PCDHA7: variants seen among roughly 807,000 people sequenced by gnomAD.
The protein encoded by PCDHA7 is protocadherin alpha 7.
In PCDHA7, 37 loss-of-function variants were observed where a neutral mutation model predicts 57.2. The observed-to-expected ratio is 0.65, with a 90% confidence interval of 0.50 to 0.85. The LOEUF is 0.85. Among genes scored for constraint, PCDHA7 ranks in the 40% least tolerant of loss-of-function variants. The pLI is 0.00. For missense variants in PCDHA7, 1,188 were observed against 1,241.8 expected (o/e 0.96, Z 0.65); for synonymous variants, 553 against 558.8 (o/e 0.99, Z 0.15).
rs1238256859 is a variant in PCDHA7, at chr5:141,010,204, C to T, written c.*267C>T. 6.4e-7 allele frequency: 1 copy of T among 1,551,970 alleles called. No homozygotes were observed. On this transcript the variant is annotated 3_prime_UTR_variant, in exon 4 of 4. Transcript: ENST00000525929. The stretch of plus-strand genomic sequence containing the variant: ...GACCCAAGTTTCCTTTCTCCTCCGC[C>T]GCAAAGGAGAGGCTTCCCAGCCCCG...
In PCDHA7 at chr5:140,987,075, G is replaced by A. The variant is rs564788093; in HGVS notation, c.2503+4512G>A. On this transcript the variant is annotated intron_variant, in intron 3 of 3. Coordinates refer to ENST00000525929, the MANE Select transcript of PCDHA7 (RefSeq NM_018910.3). ...CTAAAGTTACAAAAATGAGCTGGGC[G>A]TGGTGGCAGGTGCCTGTAATCCCAG... is the stretch of plus-strand genomic sequence containing the variant. Among the ~76,000 whole-genome samples the A allele has an allele frequency of 3.7e-4, 57 of 152,124 alleles. No individual in the cohort carries two copies. In the East Asian group the frequency reaches 9.9e-3, roughly 26 times the overall value.
intron 1 of PCDHA7, chr5:140,875,264 C>G: frequency 8.4e-7 from 1 of 1,189,324 alleles, no homozygotes; most frequent in Non-Finnish European, 1.1e-6. Flanking sequence ...TGATGTCGCT[C>G]TACACTCAGA....
At chr5:140,854,157 C>G in intron 1 of PCDHA7, 1 of 165,326 alleles carries the variant, frequency 6.0e-6, no homozygotes. Flanking sequence ...AAGATTCTGT[C>G]TCAAAAAAAA....
At chr5:140,943,509 A>G (rs1053319828) in intron 1 of PCDHA7, among the ~76,000 whole-genome samples, 1 of 152,132 alleles carries the variant, frequency 6.6e-6, no homozygotes, top group East Asian at 1.9e-4. Flanking sequence ...GGTTCATGGA[A>G]ATGTTGAGTT....
intron 1 of PCDHA7, chr5:140,861,415 G>T (rs1400394792): frequency 4.2e-6 from 2 of 475,856 alleles, no homozygotes; most frequent in Non-Finnish European, 8.6e-6. Context: ...CTGATACCGC[G>T]CCTGTTTCAG....
chr5:140,928,942 T>C lies in PCDHA7; in HGVS notation c.2356-50007T>C. The stretch of plus-strand genomic sequence containing the variant: ...GCAGCTTTCTGCCCAGAACTTGTAT[T>C]TAGTAATTGCCTTGGCTTGTATTTC... On this transcript the variant is annotated intron_variant, in intron 1 of 3. Transcript: ENST00000525929. 4 of 1,614,060 alleles carry C rather than the reference T, an allele frequency of 2.5e-6. No individual in the cohort carries two copies. The South Asian group carries it at 4.4e-5, about 18-fold the overall frequency.
At chr5:140,943,624 G>C (rs2093534515) in intron 1 of PCDHA7, among the ~76,000 whole-genome samples, 2 of 152,106 alleles carry the variant, frequency 1.3e-5, no homozygotes, top group African/African-American at 4.8e-5. Context: ...ATCTGCATAA[G>C]GAAGCTGGAT....
In PCDHA7 at chr5:140,857,206, C is replaced by T. The variant is rs1554149659; in HGVS notation, c.2355+20468C>T. On this transcript the variant is annotated intron_variant, in intron 1 of 3. Transcript: ENST00000525929. Reference sequence around the variant, plus strand: ...CAGGAGCCAACGGACAGGTCACCTGCTCTCTGACGCCTCACGTTCCGTTCA... The same window carrying T: ...CAGGAGCCAACGGACAGGTCACCTGTTCTCTGACGCCTCACGTTCCGTTCA... The T allele has an allele frequency of 2.5e-6, 4 of 1,598,614 alleles. No homozygotes were observed. The South Asian group carries it at 3.3e-5, about 13-fold the overall frequency.
intron 1 of PCDHA7, among the ~76,000 whole-genome samples, chr5:140,918,591 A>G (rs1554198702): frequency 6.6e-6 from 1 of 152,238 alleles, no homozygotes; most frequent in African/African-American, 2.4e-5. Context: ...TATATGTTCT[A>G]TAGATGTTGC....
At chr5:140,899,111 A>G (rs2067143820) in intron 1 of PCDHA7, among the ~76,000 whole-genome samples, 1 of 152,186 alleles carries the variant, frequency 6.6e-6, no homozygotes, top group Admixed American at 6.5e-5. Context: ...GGGGTTTTCT[A>G]GATATACAAT....
At chr5:140,883,522 A>G in intron 1 of PCDHA7, 1 of 1,614,220 alleles carries the variant, frequency 6.2e-7, no homozygotes, top group Middle Eastern at 1.7e-4. Flanking sequence ...GCGAGAGCGT[A>G]TCAGCCTATG....
At chr5:140,884,410 G>A (rs1562804321) in intron 1 of PCDHA7, 1 of 1,614,004 alleles carries the variant, frequency 6.2e-7, no homozygotes, top group Non-Finnish European at 8.5e-7. Context: ...TGGTGCTCAC[G>A]TTGCTGCTGT....
At chr5:140,864,479 C>T (rs1272499335) in intron 1 of PCDHA7, 1 of 152,160 alleles carries the variant, frequency 6.6e-6, no homozygotes, top group Non-Finnish European at 1.5e-5. Flanking sequence ...ATGTTGATTG[C>T]AGTGGGTGGA....
At chr5:140,883,781 T>C (rs1156481556) in intron 1 of PCDHA7, 1 of 1,612,432 alleles carries the variant, frequency 6.2e-7, no homozygotes, top group Non-Finnish European at 8.5e-7. Flanking sequence ...GCGTGCGCTG[T>C]CGAGCTACGT....
chr5:140,989,728 A>T (rs1453115061), intron 3 of PCDHA7, among the ~76,000 whole-genome samples: 6 of 152,184 alleles, frequency 3.9e-5, no homozygotes, highest in Admixed American at 3.9e-4. Flanking sequence ...TTGCAGTTGA[A>T]AAGGCCATTG....
intron 3 of PCDHA7, among the ~76,000 whole-genome samples, chr5:140,998,290 C>T (rs782194130): frequency 3.9e-5 from 6 of 152,180 alleles, no homozygotes; most frequent in Admixed American, 2.6e-4. Context: ...TAAATCAGAT[C>T]ACACATTTAG....
chr5:140,882,086 A>G (rs1416648023), intron 1 of PCDHA7: 4 of 1,056,010 alleles, frequency 3.8e-6, no homozygotes, highest in South Asian at 1.7e-5. Context: ...GTCGCTCTTC[A>G]CTGAGAACGT....
intron 1 of PCDHA7, among the ~76,000 whole-genome samples, chr5:140,941,231 C>CTTTCTTTCTTTCTT (rs1563186950): frequency 5.1e-5 from 7 of 136,876 alleles, no homozygotes; most frequent in East Asian, 2.1e-4. Context: ...TTCTTTCTTT[C>CTTTCTTTCTTTCTT]TTTCTTTCTT....
At chr5:140,947,192 C>G (rs958443362) in intron 1 of PCDHA7, among the ~76,000 whole-genome samples, 27 of 151,038 alleles carry the variant, frequency 1.8e-4, no homozygotes, top group African/African-American at 6.6e-4. Flanking sequence ...GTATACTACA[C>G]AGCCTTAAAA....
Sources: allele counts gnomAD v4.1 joint callset (sites outside exome capture counted in the v4.1 genomes callset), GRCh38; gene constraint gnomAD v4.1.1; transcripts MANE v1.5; gene names NCBI Gene and HGNC (gene_info 2026-07-23, HGNC 2026-07-21).